Variants in PTPN11 observed in about 807,000 individuals in gnomAD.
PTPN11 encodes the protein protein tyrosine phosphatase non-receptor type 11, also known as tyrosine-protein phosphatase non-receptor type 11.
In PTPN11, 6 loss-of-function variants were observed where a neutral mutation model predicts 78.8. That is an observed-to-expected ratio of 0.08 (90% CI 0.04 to 0.15). PTPN11 has a LOEUF of 0.15. PTPN11 is among the 10% of genes least tolerant of loss of function. PTPN11 has a pLI of 1.00. For synonymous variants in PTPN11, 221 were observed against 263.5 expected, an observed-to-expected ratio of 0.84 and a Z score of 1.56; for missense variants, 386 against 744.8, an observed-to-expected ratio of 0.52 and a Z score of 5.61.
At chr12:112,469,953 G>C (rs899868083) in intron 6 of PTPN11, among the ~76,000 whole-genome samples, 2 of 151,936 alleles carry the variant, frequency 1.3e-5, no homozygotes, top group African/African-American at 4.8e-5. Flanking sequence ...ACAGAGTCTT[G>C]CTTCATTGCC....
intron 10 of PTPN11, among the ~76,000 whole-genome samples, chr12:112,485,828 A>G (rs1382866482): frequency 6.6e-6 from 1 of 152,032 alleles, no homozygotes; most frequent in African/African-American, 2.4e-5. Flanking sequence ...TAAAAATACA[A>G]AAATTAGCCA....
chr12:112,427,287 C>G (rs985888363), intron 1 of PTPN11, among the ~76,000 whole-genome samples: 43 of 151,654 alleles, frequency 2.8e-4, no homozygotes, highest in Middle Eastern at 3.4e-3. Context: ...TGGCTCACAC[C>G]TGTAATCCCA....
intron 13 of PTPN11, among the ~76,000 whole-genome samples, chr12:112,491,673 C>T (rs2038745974): frequency 6.6e-6 from 1 of 152,072 alleles, no homozygotes; most frequent in Non-Finnish European, 1.5e-5. Flanking sequence ...TTTATGGGTC[C>T]AGGGTCACAC....
chr12:112,501,944 A>G (rs1870471357), intron 13 of PTPN11, among the ~76,000 whole-genome samples, 200 bp from the exon 14 acceptor site: 1 of 152,218 alleles, frequency 6.6e-6, no homozygotes, highest in Non-Finnish European at 1.5e-5. Context: ...GTTCAAAAGT[A>G]CTTTTCACTC....
intron 1 of PTPN11, among the ~76,000 whole-genome samples, chr12:112,443,445 G>A (rs1191722209): frequency 2.7e-5 from 4 of 148,284 alleles, no homozygotes; most frequent in Admixed American, 6.8e-5. Flanking sequence ...TGCAACCTCC[G>A]TCTCCCGGGT....
At chr12:112,500,699 C>G (rs2038864525) in intron 13 of PTPN11, among the ~76,000 whole-genome samples, 1 of 152,192 alleles carries the variant, frequency 6.6e-6, no homozygotes, top group Admixed American at 6.5e-5. Flanking sequence ...TCAAGCGATT[C>G]TCATGCCTCA....
chr12:112,490,455 C>T (rs777107672), intron 13 of PTPN11, among the ~76,000 whole-genome samples: 52 of 151,912 alleles, frequency 3.4e-4, no homozygotes, highest in Non-Finnish European at 6.8e-4. Flanking sequence ...TATAGGCATG[C>T]GCCACCACAC....
chr12:112,507,142 G>C lies in PTPN11; in HGVS notation c.*1350G>C, dbSNP rs1245286187. ...AACAGACGGTCACAACCAGTGCCAT[G>C]GAAAACCAAGGATATTAGCAAAAGC... is the stretch of plus-strand genomic sequence containing the variant. On this transcript the variant is annotated 3_prime_UTR_variant, in exon 16 of 16. Transcript: ENST00000351677. 6.5e-6 allele frequency: 1 copy of C among 153,122 alleles called. No homozygotes were observed. The highest frequency in any genetic ancestry group is 1.5e-5 in the Non-Finnish European group (1 of 68,550). The allele number at this position is 153,122 out of a possible 1,614,324, so 9.5% of individuals were successfully genotyped here. A position where few individuals can be genotyped will look rare whatever the true frequency, so the allele number is the denominator to read the frequency against.
chr12:112,470,567 G>T (rs1351620049), intron 6 of PTPN11, among the ~76,000 whole-genome samples: 1 of 152,170 alleles, frequency 6.6e-6, no homozygotes, highest in East Asian at 1.9e-4. Context: ...GGTGGAGGGA[G>T]AAATTGAAGG....
In PTPN11 at chr12:112,487,115, TTCTC is replaced by T. The variant is rs371088967; in HGVS notation, c.1379+502_1379+505del. 1.9e-3 allele frequency among the ~76,000 whole-genome samples: 289 copies of T among 150,704 alleles called. 1 individual carries two copies. The highest frequency in any genetic ancestry group is 5.2e-3 in the South Asian group (25 of 4,774). ...ATTCATCTCTTTGATTGTGATTCTG[TTCTC>T]TCTCTCTCTCTCTCTTTTTTTTTTT... On this transcript the variant is annotated intron_variant, in intron 11 of 15. Transcript: ENST00000351677.
At chr12:112,503,835 C>T (rs188934249) in intron 14 of PTPN11, among the ~76,000 whole-genome samples, 7 of 152,292 alleles carry the variant, frequency 4.6e-5, no homozygotes, top group Admixed American at 3.3e-4. Context: ...GCACCCACAG[C>T]TGCTGGGTTC....
chr12:112,432,354 A>G lies in PTPN11; in HGVS notation c.14+13229A>G, dbSNP rs1231574155. Among the ~76,000 whole-genome samples the G allele has an allele frequency of 5.3e-5, 8 of 152,324 alleles. No homozygotes were observed. The East Asian group carries it at 1.5e-3, about 29-fold the overall frequency. ...TGGTTCAGTTGATGATGGACGGCAT[A>G]CATAATGGTGGTCCCATAAGAATAT... is the stretch of plus-strand genomic sequence containing the variant. On this transcript the variant is annotated intron_variant, in intron 1 of 15. Transcript: ENST00000351677.
At chr12:112,454,164 C>T (rs575617209) in intron 4 of PTPN11, among the ~76,000 whole-genome samples, 1 of 152,076 alleles carries the variant, frequency 6.6e-6, no homozygotes, top group Non-Finnish European at 1.5e-5. Flanking sequence ...GAGTCTCCCT[C>T]TGTCTCCCAG....
intron 13 of PTPN11, among the ~76,000 whole-genome samples, chr12:112,492,728 A>G (rs1160199338): frequency 2.6e-5 from 4 of 152,064 alleles, no homozygotes; most frequent in African/African-American, 4.8e-5. Flanking sequence ...CGTGTTAGCC[A>G]GGATGGTCTT....
At chr12:112,457,041 C>T (rs1320989962) in intron 6 of PTPN11, among the ~76,000 whole-genome samples, 1 of 152,122 alleles carries the variant, frequency 6.6e-6, no homozygotes, top group South Asian at 2.1e-4. Context: ...ATTAACCCAT[C>T]ATTTAGGTTT....
At chr12:112,421,107 G>A (rs2037516635) in intron 1 of PTPN11, among the ~76,000 whole-genome samples, 1 of 152,156 alleles carries the variant, frequency 6.6e-6, no homozygotes, top group African/African-American at 2.4e-5. Context: ...AGTTTGAAAT[G>A]GAGTAATTCC....
chr12:112,472,151 T>A (rs1039610433), intron 6 of PTPN11, among the ~76,000 whole-genome samples: 3 of 151,974 alleles, frequency 2.0e-5, no homozygotes, highest in Admixed American at 2.0e-4. Flanking sequence ...AGAAAAAAAA[T>A]TAAAACATTT....
At chr12:112,462,218 G>C (rs898750184) in intron 6 of PTPN11, among the ~76,000 whole-genome samples, 4 of 152,108 alleles carry the variant, frequency 2.6e-5, no homozygotes, top group Non-Finnish European at 5.9e-5. Context: ...AAATTAACCA[G>C]ACATGGTGGC....
At chr12:112,435,208 T>G (rs556162369) in intron 1 of PTPN11, among the ~76,000 whole-genome samples, 1 of 151,920 alleles carries the variant, frequency 6.6e-6, no homozygotes, top group Non-Finnish European at 1.5e-5. Context: ...TTTGTAGAGA[T>G]GGGGTTTCCC....
Sources: gnomAD v4.1 joint callset for allele counts (sites outside exome capture counted in the v4.1 genomes callset) on GRCh38, gnomAD v4.1.1 for gene constraint, MANE v1.5 for transcripts, NCBI Gene and HGNC (gene_info 2026-07-23, HGNC 2026-07-21) for gene names.